ATP6V1B1: variants seen among roughly 807,000 people sequenced by gnomAD.
ATP6V1B1 encodes V-type proton ATPase subunit B, kidney isoform.
Under a neutral mutation model 62.1 loss-of-function variants are expected in ATP6V1B1, and 41 were observed. The ratio of observed to expected loss-of-function variants is 0.66; its 90% CI spans 0.51 to 0.86. The LOEUF (loss-of-function observed/expected upper bound fraction) is 0.86, where lower values mean the gene tolerates loss of function less well. Among genes scored for constraint, ATP6V1B1 ranks in the 40% least tolerant of loss-of-function variants. ATP6V1B1 has a pLI of 0.00. For missense variants in ATP6V1B1, 651 were observed against 697.5 expected (o/e 0.93, Z 0.75); for synonymous variants, 253 against 273.4 (o/e 0.93, Z 0.74).
rs1680700153 is a variant in ATP6V1B1 at position 70,965,311 on chromosome 2, C to T, written c.*190C>T. The T allele has an allele frequency of 1.3e-6, 1 of 758,298 alleles. No individual in the cohort carries two copies. Among genetic ancestry groups the T allele is most frequent in the Non-Finnish European group, 2.1e-6 (1 of 477,150 alleles). The allele number at this position is 758,298 out of a possible 1,614,324, so 47.0% of individuals were successfully genotyped here. ...TCCTTTTCCCGCGCTCCATGCCTCCCCCTCGACTCCCGGTGCTGCGGAAGA... is the reference window on the plus strand; with the variant it reads ...TCCTTTTCCCGCGCTCCATGCCTCCTCCTCGACTCCCGGTGCTGCGGAAGA... On this transcript the variant is annotated 3_prime_UTR_variant, in exon 14 of 14. Transcript: ENST00000234396.
In ATP6V1B1 at chr2:70,959,672, G is replaced by A. The variant is rs988653382; in HGVS notation, c.446-267G>A. On this transcript the variant is annotated intron_variant, in intron 5 of 13. Coordinates refer to ENST00000234396, the MANE Select transcript of ATP6V1B1 (RefSeq NM_001692.4). This position sits in a 1 kb window ranked among gnomAD's most constrained non-coding sequence, Gnocchi z 4.2. ...TGCCTGCCACTTCCAAAGCACAAGG[G>A]CAGCTCTGTCCAAGGTAGCACTGGG... Among the ~76,000 whole-genome samples the A allele has an allele frequency of 2.0e-5, 3 of 152,242 alleles. No homozygotes were observed. The highest frequency in any genetic ancestry group is 4.4e-5 in the Non-Finnish European group (3 of 68,048).
At chr2:70,940,455 A>C in intron 1 of ATP6V1B1, 4 of 985,150 alleles carry the variant, frequency 4.1e-6, no homozygotes, top group South Asian at 4.7e-5. Flanking sequence ...CCGGGGGCTT[A>C]TAAAAATGAG....
In ATP6V1B1 at chr2:70,936,038, G is replaced by A. The variant is rs374746874; in HGVS notation, c.84G>A (p.Ala28=). Residue 28 remains alanine (A), a synonymous_variant, in exon 1 of 14, where the codon GCG becomes GCA. Transcript: ENST00000234396. The part of the protein sequence containing the change: ...NLGAAREHMQ[A]VTRNYITHPR... ...GTGCAGCCCGAGAACACATGCAGGC[G>A]GTCACCCGAAACTACATCACCCACC... 36 of 1,613,910 alleles carry A rather than the reference G, an allele frequency of 2.2e-5. No individual in the cohort carries two copies. The highest frequency in any genetic ancestry group is 2.0e-4 in the East Asian group (9 of 44,880).
intron 1 of ATP6V1B1, chr2:70,940,877 CT>C: frequency 6.7e-6 from 6 of 899,550 alleles, no homozygotes; most frequent in African/African-American, 1.9e-5. Flanking sequence ...ACAAAGATTT[CT>C]TTTTCTTCTT....
intron 2 of ATP6V1B1, among the ~76,000 whole-genome samples, chr2:70,950,524 G>A (rs1277197640): frequency 6.6e-6 from 1 of 151,118 alleles, no homozygotes; most frequent in Non-Finnish European, 1.5e-5. Flanking sequence ...TTTATTTCTA[G>A]CTATTTTATG....
rs1680538606 is a variant in ATP6V1B1 at position 70,959,740 on chromosome 2, GTCCCATTTCAGAGTCA to G, written c.446-198_446-183del. On this transcript the variant is annotated intron_variant, in intron 5 of 13. Coordinates refer to ENST00000234396, the MANE Select transcript of ATP6V1B1 (RefSeq NM_001692.4). This position sits in a 1 kb window ranked among gnomAD's most constrained non-coding sequence, Gnocchi z 4.2. ...TTAAACTAATTCAAACAGAAAGAAA[GTCCCATTTCAGAGTCA>G]CACGTCATGTGCTCAATAGCCATTT... is the stretch of plus-strand genomic sequence containing the variant. Among the ~76,000 whole-genome samples the G allele has an allele frequency of 6.6e-6, 1 of 152,194 alleles. No individual in the cohort carries two copies. Among genetic ancestry groups the G allele is most frequent in the Admixed American group, 6.5e-5 (1 of 15,286 alleles).
chr2:70,941,539 G>A (rs568170575), intron 1 of ATP6V1B1: 487 of 884,280 alleles, frequency 5.5e-4, no homozygotes, highest in Middle Eastern at 2.9e-3. Context: ...TCCCACTCTC[G>A]TTCACCCATC....
chr2:70,952,705 T>C (rs1219160897), intron 2 of ATP6V1B1, among the ~76,000 whole-genome samples: 1 of 152,242 alleles, frequency 6.6e-6, no homozygotes, highest in Non-Finnish European at 1.5e-5. Flanking sequence ...AGACTAATAA[T>C]TTATTTCTGC....
rs183559583 is a variant in ATP6V1B1 at position 70,963,533 on chromosome 2, G to A, written c.1061-39G>A. ...GTGGCCCTGAGTGGTTGGAGACCTG[G>A]GCCCCCACCCACACTGAGGCCAGTG... is the stretch of plus-strand genomic sequence containing the variant. On this transcript the variant is annotated intron_variant, in intron 10 of 13. Coordinates refer to ENST00000234396, the MANE Select transcript of ATP6V1B1 (RefSeq NM_001692.4). This position sits in a 1 kb window ranked among gnomAD's most constrained non-coding sequence, Gnocchi z 4.3. The A allele has an allele frequency of 8.2e-4, 1,309 of 1,601,638 alleles. 2 individuals are homozygous for A. Among genetic ancestry groups the A allele is most frequent in the Non-Finnish European group, 8.2e-4 (964 of 1,168,692 alleles).
intron 2 of ATP6V1B1, chr2:70,948,312 C>T (rs1553417718): frequency 6.5e-6 from 1 of 154,702 alleles, no homozygotes; most frequent in East Asian, 1.9e-4. Context: ...GATCTCTGCT[C>T]ACTGCATCCT....
Position 70,935,982 on chromosome 2 carries a change from G to C in ATP6V1B1, c.28G>C (p.Gly10Arg), listed in dbSNP as rs782237301. The C allele has an allele frequency of 8.1e-6, 13 of 1,613,122 alleles. No homozygotes were observed. The highest frequency in any genetic ancestry group is 1.7e-5 in the Admixed American group (1 of 59,978). Reference sequence around the variant, plus strand: ...GGCCATGGAGATAGACAGCAGGCCTGGGGGGCTCCCCGGCAGTAGCTGCAA... The same window carrying C: ...GGCCATGGAGATAGACAGCAGGCCTCGGGGGCTCCCCGGCAGTAGCTGCAA... MAMEIDSRP[G>R]GLPGSSCNLG... Residue 10 changes from glycine to arginine, a missense_variant, in exon 1 of 14, where the codon GGG becomes CGG. Physicochemically the swap from Gly to Arg is moderately radical, Grantham distance 125. Coordinates refer to ENST00000234396, the MANE Select transcript of ATP6V1B1 (RefSeq NM_001692.4).
chr2:70,963,951 A>C lies in ATP6V1B1; in HGVS notation c.1143+297A>C. On this transcript the variant is annotated intron_variant, in intron 11 of 13. Coordinates refer to ENST00000234396, the MANE Select transcript of ATP6V1B1 (RefSeq NM_001692.4). The surrounding 1 kb of genome is among the most constrained non-coding windows in gnomAD (Gnocchi z 4.3). ...CAGACGCATTGTGGAGGATAAAAAT[A>C]AGTTGGCATATAGAAAGCATCTGGC... is the stretch of plus-strand genomic sequence containing the variant. 1 of 508,356 alleles carries C rather than the reference A, an allele frequency of 2.0e-6. No homozygotes were observed. Among genetic ancestry groups the C allele is most frequent in the African/African-American group, 1.9e-5 (1 of 51,996 alleles). The allele number at this position is 508,356 out of a possible 1,614,324, so 31.5% of individuals were successfully genotyped here. A position where few individuals can be genotyped will look rare whatever the true frequency, so the allele number is the denominator to read the frequency against.
At position 70,957,003 on chromosome 2, in the gene ATP6V1B1, C is replaced by CATTT. The variant is rs1446060119; in HGVS notation, c.175-1042_175-1039dup. On this transcript the variant is annotated intron_variant, in intron 2 of 13. Transcript: ENST00000234396. ...AGTATCTTATCTTGTGGCTATTGGC[C>CATTT]ATTTGTATGTCGTCTTTGTAGAAAT... Among the ~76,000 whole-genome samples, 3 of 151,848 alleles carry CATTT rather than the reference C, an allele frequency of 2.0e-5. No individual in the cohort carries two copies. In the East Asian group the frequency reaches 5.8e-4, roughly 29 times the overall value.
At chr2:70,941,064 G>T (rs548403886) in intron 1 of ATP6V1B1, 24 of 458,308 alleles carry the variant, frequency 5.2e-5, no homozygotes, top group Non-Finnish European at 6.9e-5. Context: ...CCACAGGCAC[G>T]TTCCACCATG....
In ATP6V1B1 at chr2:70,959,983, A is replaced by G; in HGVS notation, c.490A>G (p.Ile164Val). 6.2e-7 allele frequency: 1 copy of G among 1,614,206 alleles called. No individual in the cohort carries two copies. The highest frequency in any genetic ancestry group is 8.5e-7 in the Non-Finnish European group (1 of 1,180,042). ...PHSRIYPEEM[I>V]QTGISPIDVM... ...CTCCCGCATCTACCCCGAGGAGATG[A>G]TTCAGACGGGCATTTCTCCTATTGA... Residue 164 changes from isoleucine to valine, a missense_variant, in exon 6 of 14, where the codon ATT becomes GTT. Ile to Val is a conservative substitution (Grantham distance 29). Coordinates refer to ENST00000234396, the MANE Select transcript of ATP6V1B1 (RefSeq NM_001692.4). The surrounding 1 kb of genome is among the most constrained non-coding windows in gnomAD (Gnocchi z 4.2).
At chr2:70,964,381 C>A (rs1046961464) in intron 11 of ATP6V1B1, 57 bp from the exon 12 acceptor site, 40 of 1,567,938 alleles carry the variant, frequency 2.6e-5, no homozygotes, top group Non-Finnish European at 3.4e-5. Flanking sequence ...AATTTGGGGA[C>A]AGGGGGAGCA....
At chr2:70,940,631 T>C (rs1384638695) in intron 1 of ATP6V1B1, 2 of 985,462 alleles carry the variant, frequency 2.0e-6, no homozygotes, top group East Asian at 2.3e-4. Flanking sequence ...CCTTTCTCGT[T>C]GAGGAGTCTT....
chr2:70,953,999 T>A (rs1368555599), intron 2 of ATP6V1B1, among the ~76,000 whole-genome samples: 2 of 152,208 alleles, frequency 1.3e-5, no homozygotes, highest in Non-Finnish European at 2.9e-5. Context: ...ATCCCAACAA[T>A]TATTTATTCA....
intron 1 of ATP6V1B1, 96 bp from the exon 2 acceptor site, chr2:70,943,560 TGG>T: frequency 7.9e-7 from 1 of 1,259,252 alleles, no homozygotes; most frequent in Admixed American, 1.9e-5. Flanking sequence ...GGGAAGGAGG[TGG>T]GGTGTGGAGA....
Sources: gnomAD v4.1 joint callset for allele counts (sites outside exome capture counted in the v4.1 genomes callset) on GRCh38, gnomAD v4.1.1 for gene constraint, Gnocchi (gnomAD v3.1) non-coding constraint, MANE v1.5 for transcripts, NCBI Gene and HGNC (gene_info 2026-07-23, HGNC 2026-07-21) for gene names.